EFCAB6: variants seen among roughly 807,000 people sequenced by gnomAD.
EFCAB6 encodes the protein EF-hand calcium binding domain 6.
EFCAB6 carries 156 observed loss-of-function variants against 169.8 expected under a neutral mutation model. That is an observed-to-expected ratio of 0.92 (90% CI 0.81 to 1.05). The LOEUF is 1.05. Among genes scored for constraint, EFCAB6 ranks in the 50% least tolerant of loss-of-function variants. EFCAB6 has a pLI of 0.00. For missense variants in EFCAB6, 1,800 were observed against 1,829.1 expected, an observed-to-expected ratio of 0.98 and a Z score of 0.29; for synonymous variants, 698 against 676.4, an observed-to-expected ratio of 1.03 and a Z score of -0.50.
intron 17 of EFCAB6, among the ~76,000 whole-genome samples, chr22:43,655,518 C>T (rs1298681169): frequency 3.0e-5 from 3 of 98,674 alleles, no homozygotes; most frequent in Admixed American, 1.3e-4. Flanking sequence ...GAGACCCTGT[C>T]TCAAAAAAAA....
intron 26 of EFCAB6, among the ~76,000 whole-genome samples, chr22:43,562,304 T>C (rs1240412283): frequency 6.6e-6 from 1 of 152,158 alleles, no homozygotes; most frequent in Non-Finnish European, 1.5e-5. Flanking sequence ...AAAGAAATAA[T>C]GTCCCAATAC....
intron 19 of EFCAB6, among the ~76,000 whole-genome samples, chr22:43,629,104 G>C (rs774274643): frequency 3.3e-5 from 5 of 152,202 alleles, no homozygotes; most frequent in Non-Finnish European, 4.4e-5. Context: ...GCAATCCAGC[G>C]TGATTACTGC....
At chr22:43,783,064 C>A (rs1388398585) in intron 2 of EFCAB6, among the ~76,000 whole-genome samples, 1 of 152,130 alleles carries the variant, frequency 6.6e-6, no homozygotes, top group Non-Finnish European at 1.5e-5. Flanking sequence ...TCAAAGCCTC[C>A]TTACCCGGAA....
chr22:43,724,190 T>G lies in EFCAB6; in HGVS notation c.758-7218A>C, dbSNP rs180890136. On this transcript the variant is annotated intron_variant, in intron 8 of 31. Transcript: ENST00000262726. ...AAATTTCTTTCACCAGCTATCCTAG[T>G]TCAGCACTCTCAAGCTCAGCCTGTC... Among the ~76,000 whole-genome samples the G allele has an allele frequency of 2.0e-3, 298 of 152,208 alleles. 1 individual carries two copies. The highest frequency in any genetic ancestry group is 3.8e-3 in the Non-Finnish European group (257 of 68,006).
At chr22:43,644,730 T>C (rs987667285) in intron 17 of EFCAB6, among the ~76,000 whole-genome samples, 2 of 152,220 alleles carry the variant, frequency 1.3e-5, no homozygotes, top group African/African-American at 4.8e-5. Context: ...GGTTTGGTTT[T>C]TGTTTCTTAA....
rs116563278 is a variant in EFCAB6 at position 43,688,048 on chromosome 22, G to A, written c.1032-467C>T. ...GGAGCAACTCTCCTGGTTTATCCAAGTGGGCCCACTCTAATCCCATACATT... is the reference window on the plus strand; with the variant it reads ...GGAGCAACTCTCCTGGTTTATCCAAATGGGCCCACTCTAATCCCATACATT... On this transcript the variant is annotated intron_variant, in intron 10 of 31. Coordinates refer to ENST00000262726, the MANE Select transcript of EFCAB6 (RefSeq NM_022785.4). Among the ~76,000 whole-genome samples, 750 of 152,298 alleles carry A rather than the reference G, an allele frequency of 4.9e-3. 4 individuals carry two copies. The highest frequency in any genetic ancestry group is 0.017 in the African/African-American group (712 of 41,562).
chr22:43,626,961 A>C (rs2054571009), intron 19 of EFCAB6, among the ~76,000 whole-genome samples: 1 of 151,530 alleles, frequency 6.6e-6, no homozygotes, highest in South Asian at 2.1e-4. Context: ...TTCCTTCCAC[A>C]CTCTCGGTTT....
rs778627093 is a variant in EFCAB6 at position 43,787,776 on chromosome 22, TGATCATGAAAAATAAAAATAA to T, written c.-7-5472_-7-5452del. 5.5e-3 allele frequency among the ~76,000 whole-genome samples: 842 copies of T among 152,090 alleles called. 29 individuals carry two copies. Among genetic ancestry groups the T allele is most frequent in the Admixed American group, 0.05 (764 of 15,254 alleles). ...TGCAAGGGACCCAGAATAGCCAAAA[TGATCATGAAAAATAAAAATAA>T]GATCATGAAAAATAAAAATAAAGTT... On this transcript the variant is annotated intron_variant, in intron 2 of 31. Coordinates refer to ENST00000262726, the MANE Select transcript of EFCAB6 (RefSeq NM_022785.4).
intron 2 of EFCAB6, among the ~76,000 whole-genome samples, chr22:43,805,443 C>T (rs1461660657): frequency 6.6e-6 from 1 of 152,064 alleles, no homozygotes; most frequent in African/African-American, 2.4e-5. Context: ...ATGAGATAAG[C>T]CAAGCACCAA....
At chr22:43,705,462 T>A (rs1234100909) in intron 10 of EFCAB6, among the ~76,000 whole-genome samples, 2 of 151,962 alleles carry the variant, frequency 1.3e-5, no homozygotes, top group Non-Finnish European at 2.9e-5. Flanking sequence ...TCCAAATAGA[T>A]CAGATAATAG....
intron 2 of EFCAB6, among the ~76,000 whole-genome samples, chr22:43,796,873 G>A (rs565838377): frequency 1.3e-5 from 2 of 152,188 alleles, no homozygotes; most frequent in Non-Finnish European, 2.9e-5. Context: ...AGAAAAGCTG[G>A]ATTGTCGAGT....
At chr22:43,726,987 A>C (rs2059759938) in intron 8 of EFCAB6, among the ~76,000 whole-genome samples, 1 of 152,260 alleles carries the variant, frequency 6.6e-6, no homozygotes, top group Admixed American at 6.5e-5. Flanking sequence ...AGACAGAAAA[A>C]ACCTCAGGAA....
intron 27 of EFCAB6, among the ~76,000 whole-genome samples, chr22:43,546,612 T>C (rs2048071393): frequency 6.6e-6 from 1 of 152,172 alleles, no homozygotes; most frequent in Non-Finnish European, 1.5e-5. Flanking sequence ...GGCTCACGCC[T>C]GTAATCCCAG....
intron 17 of EFCAB6, among the ~76,000 whole-genome samples, chr22:43,649,164 G>A (rs1270838383): frequency 6.6e-6 from 1 of 152,204 alleles, no homozygotes; most frequent in Non-Finnish European, 1.5e-5. Flanking sequence ...TGGGAGTCCT[G>A]GGATTCTTGT....
intron 2 of EFCAB6, among the ~76,000 whole-genome samples, chr22:43,788,401 C>G (rs1165236517): frequency 1.3e-5 from 2 of 151,720 alleles, no homozygotes; most frequent in African/African-American, 4.8e-5. Context: ...ACAAATAACC[C>G]AATAGAAAAA....
chr22:43,646,046 T>C (rs1172815910), intron 17 of EFCAB6, among the ~76,000 whole-genome samples: 1 of 152,190 alleles, frequency 6.6e-6, no homozygotes, highest in East Asian at 1.9e-4. Context: ...GTGAATTTAG[T>C]ACTTCAATGA....
At chr22:43,776,220 A>T (rs1603358266) in intron 3 of EFCAB6, among the ~76,000 whole-genome samples, 1 of 152,306 alleles carries the variant, frequency 6.6e-6, no homozygotes, top group East Asian at 1.9e-4. Flanking sequence ...GGCCACAGGG[A>T]AACAGGCCCA....
intron 5 of EFCAB6, among the ~76,000 whole-genome samples, chr22:43,763,728 TC>T (rs905193780): frequency 6.6e-5 from 10 of 152,226 alleles, no homozygotes; most frequent in Admixed American, 2.6e-4. Context: ...GGGTTTTTTT[TC>T]AATGAACTAG....
At chr22:43,632,068 G>A (rs2054987024) in intron 19 of EFCAB6, 37 bp downstream of exon 19, 2 of 1,608,342 alleles carry the variant, frequency 1.2e-6, no homozygotes, top group Non-Finnish European at 1.7e-6. Context: ...AGCAGGGGAG[G>A]CCTAGAGAAG....
Sources: gnomAD v4.1 joint callset for allele counts (sites outside exome capture counted in the v4.1 genomes callset) on GRCh38, gnomAD v4.1.1 for gene constraint, MANE v1.5 for transcripts, NCBI Gene and HGNC (gene_info 2026-07-23, HGNC 2026-07-21) for gene names.